The following USP25 variants were observed in gnomAD, a reference collection of about 807,000 sequenced individuals.
USP25 encodes the protein ubiquitin specific peptidase 25.
In USP25, 85 loss-of-function variants were observed where a neutral mutation model predicts 158.5. The ratio of observed to expected loss-of-function variants is 0.54; its 90% CI spans 0.45 to 0.64. The LOEUF (loss-of-function observed/expected upper bound fraction) is 0.64. Among genes scored for constraint, USP25 ranks in the 30% least tolerant of loss-of-function variants. The pLI is 0.00. For missense variants in USP25, 1,242 were observed against 1,327.3 expected, an observed-to-expected ratio of 0.94 and a Z score of 1.00; for synonymous variants, 464 against 460.4, an observed-to-expected ratio of 1.01 and a Z score of -0.10.
chr21:15,834,156 A>G (rs1300901352), intron 17 of USP25, among the ~76,000 whole-genome samples: 2 of 152,242 alleles, frequency 1.3e-5, no homozygotes, highest in African/African-American at 4.8e-5. Flanking sequence ...ATAAATATTT[A>G]AAAACATTAT....
intron 4 of USP25, among the ~76,000 whole-genome samples, chr21:15,789,158 A>G (rs1423571142): frequency 1.3e-5 from 2 of 152,198 alleles, no homozygotes; most frequent in Middle Eastern, 3.4e-3. Context: ...ACATTATCTC[A>G]GTATATCAAT....
intron 17 of USP25, among the ~76,000 whole-genome samples, chr21:15,840,992 A>G (rs1307641767): frequency 6.6e-6 from 1 of 152,216 alleles, no homozygotes; most frequent in Non-Finnish European, 1.5e-5. Flanking sequence ...ATGGTAGCCA[A>G]AGATTTTCTT....
At chr21:15,780,427 C>T (rs973392074) in intron 4 of USP25, among the ~76,000 whole-genome samples, 3 of 152,294 alleles carry the variant, frequency 2.0e-5, no homozygotes, top group Middle Eastern at 3.4e-3. Context: ...GGAGTATGGA[C>T]AGTTGAAATT....
chr21:15,820,908 A>G (rs1366838133), intron 10 of USP25, among the ~76,000 whole-genome samples: 6 of 151,996 alleles, frequency 3.9e-5, no homozygotes, highest in Non-Finnish European at 1.5e-5. Flanking sequence ...ATAAGAGTTT[A>G]AATTTTGTGG....
chr21:15,818,958 C>T (rs2037091097), intron 10 of USP25, 112 bp downstream of exon 10: 1 of 1,280,770 alleles, frequency 7.8e-7, no homozygotes, highest in Non-Finnish European at 1.1e-6. Context: ...AGAGAATACT[C>T]AGAGAGTATG....
Position 15,874,043 on chromosome 21 carries a change from A to G in USP25, c.2886-360A>G, listed in dbSNP as rs115099445. ...TTCATATAAATGTGACATTGCGTTA[A>G]ACAATTAGATTGTTGGCTTTCACAT... On this transcript the variant is annotated intron_variant, in intron 23 of 25. Coordinates refer to ENST00000400183, the MANE Select transcript of USP25 (RefSeq NM_001283041.3). 2.4e-3 allele frequency among the ~76,000 whole-genome samples: 359 copies of G among 152,290 alleles called. 4 individuals carry two copies. The highest frequency in any genetic ancestry group is 8.4e-3 in the African/African-American group (347 of 41,554).
intron 17 of USP25, among the ~76,000 whole-genome samples, chr21:15,837,460 C>A (rs904653516): frequency 1.3e-5 from 2 of 152,104 alleles, no homozygotes; most frequent in Non-Finnish European, 2.9e-5. Flanking sequence ...GAACAGCACA[C>A]CCTACCTAAG....
In USP25 at chr21:15,878,311, C is replaced by T; in HGVS notation, c.3214C>T (p.Gln1072Ter). Reference sequence around the variant, plus strand: ...ATTGTTTGTATTTGCAGCACACCTCCAAGAAAAGCTGACAGATTTTTTGCC... The same window carrying T: ...ATTGTTTGTATTTGCAGCACACCTCTAAGAAAAGCTGACAGATTTTTTGCC... ...YLGQEMEPHL[Q>*]EKLTDFLPKL... Residue 1072 changes from glutamine (Q) to a stop codon, truncating the protein, a stop_gained, in exon 26 of 26, where the codon CAA becomes TAA. Transcript: ENST00000400183. LOFTEE classifies it high-confidence loss of function. 1 of 1,610,898 alleles carries T rather than the reference C, an allele frequency of 6.2e-7. No homozygotes were observed.
intron 3 of USP25, among the ~76,000 whole-genome samples, chr21:15,768,341 A>G (rs2034158806): frequency 6.6e-6 from 1 of 152,150 alleles, no homozygotes; most frequent in South Asian, 2.1e-4. Context: ...GTACTATGAT[A>G]GTATCAAACC....
rs947130510 is a variant in USP25 at position 15,871,948 on chromosome 21, G to A, written c.2885+1801G>A. ...GGAGGTTGTGGTGAGCCAAGATCGC[G>A]CCACTGCACTCCAGCCTGGGCGACA... On this transcript the variant is annotated intron_variant, in intron 23 of 25. Transcript: ENST00000400183. 4.8e-5 allele frequency among the ~76,000 whole-genome samples: 7 copies of A among 144,964 alleles called. No individual in the cohort carries two copies. The East Asian group carries it at 8.2e-4, about 17-fold the overall frequency.
At chr21:15,742,790 C>T (rs2032176117) in intron 1 of USP25, among the ~76,000 whole-genome samples, 1 of 152,248 alleles carries the variant, frequency 6.6e-6, no homozygotes. Flanking sequence ...GCTTTGCTTA[C>T]ACTCACTGGG....
At chr21:15,818,961 A>T in intron 10 of USP25, 115 bp downstream of exon 10, 1 of 1,259,800 alleles carries the variant, frequency 7.9e-7, no homozygotes. Context: ...GAATACTCAG[A>T]GAGTATGTTT....
chr21:15,817,030 G>A (rs761797747), intron 9 of USP25, among the ~76,000 whole-genome samples: 15 of 151,998 alleles, frequency 9.9e-5, no homozygotes, highest in Non-Finnish European at 1.6e-4. Flanking sequence ...TACTAGAGAC[G>A]CTGAGGCAAG....
intron 5 of USP25, among the ~76,000 whole-genome samples, chr21:15,796,473 T>C (rs2035866693): frequency 6.6e-6 from 1 of 151,446 alleles, no homozygotes; most frequent in African/African-American, 2.4e-5. Flanking sequence ...TTTTGTCCTT[T>C]AGGCATCTCC....
chr21:15,815,517 C>T (rs140598531), intron 9 of USP25, among the ~76,000 whole-genome samples: 215 of 152,290 alleles, frequency 1.4e-3, no homozygotes, highest in Non-Finnish European at 2.6e-3. Flanking sequence ...GCCACAGGGG[C>T]GGAGCTGCCC....
intron 7 of USP25, 87 bp from the exon 8 acceptor site, chr21:15,808,722 A>G: frequency 1.1e-6 from 1 of 901,058 alleles, no homozygotes; most frequent in South Asian, 2.1e-5. Context: ...TATATATTTC[A>G]ACAACTGGCT....
At chr21:15,845,050 A>C (rs1177646139) in intron 18 of USP25, among the ~76,000 whole-genome samples, 1 of 152,104 alleles carries the variant, frequency 6.6e-6, no homozygotes, top group Non-Finnish European at 1.5e-5. Context: ...TTTCCTTAGA[A>C]TAGATTTCCC....
intron 4 of USP25, among the ~76,000 whole-genome samples, chr21:15,781,247 C>CT (rs1057309261): frequency 3.6e-4 from 55 of 152,210 alleles, no homozygotes; most frequent in African/African-American, 1.3e-3. Flanking sequence ...AATCACATGT[C>CT]TGACAAGTAG....
chr21:15,839,434 G>C (rs9305753), intron 17 of USP25, among the ~76,000 whole-genome samples: 23,134 of 152,084 alleles, frequency 0.15, 3,832 homozygotes, highest in African/African-American at 0.42. Flanking sequence ...GTGTATGGTA[G>C]GGTATTAGTT....
Sources: gnomAD v4.1 joint callset for allele counts (sites outside exome capture counted in the v4.1 genomes callset) on GRCh38, gnomAD v4.1.1 for gene constraint, MANE v1.5 for transcripts, NCBI Gene and HGNC (gene_info 2026-07-23, HGNC 2026-07-21) for gene names.